The following GPR155 variants were observed in gnomAD, a reference collection of about 807,000 sequenced individuals.
The protein encoded by GPR155 is lysosomal cholesterol signaling protein.
A neutral mutation model predicts 93.1 loss-of-function variants in GPR155; 65 were observed. That is an observed-to-expected ratio of 0.70 (90% confidence interval 0.57 to 0.86). The LOEUF is 0.86. GPR155 is among the 40% of genes least tolerant of loss of function. The pLI is 0.00. For missense variants in GPR155, 838 were observed against 1,034.8 expected, an observed-to-expected ratio of 0.81 and a Z score of 2.61; for synonymous variants, 319 against 360.1, an observed-to-expected ratio of 0.89 and a Z score of 1.29.
At position 174,446,710 on chromosome 2, in the gene GPR155, G is replaced by T; in HGVS notation, c.1914C>A (p.Cys638Ter). The change falls in exon 12 of 16, where the codon TGC becomes TGA. Residue 638 changes from cysteine (C) to a stop codon, truncating the protein, a stop_gained. Transcript: ENST00000392552. LOFTEE classifies it high-confidence loss of function. ...HCVSRCNSQS[C>*]ILAQEEEQYL... is the part of the protein sequence containing the mutation. ...ACTGTTCTTCTTCCTGGGCTAATATGCAGCTCTGGGAGTTACAGCGACTCA... is the reference window on the plus strand; with the variant it reads ...ACTGTTCTTCTTCCTGGGCTAATATTCAGCTCTGGGAGTTACAGCGACTCA... 7 of 1,613,636 alleles carry T rather than the reference G, an allele frequency of 4.3e-6. No individual in the cohort carries two copies. Among genetic ancestry groups the T allele is most frequent in the Non-Finnish European group, 5.9e-6 (7 of 1,179,528 alleles).
intron 2 of GPR155, among the ~76,000 whole-genome samples, chr2:174,473,769 G>A (rs1688067214): frequency 6.6e-6 from 1 of 152,138 alleles, no homozygotes; most frequent in African/African-American, 2.4e-5. Flanking sequence ...TTACTGGAGT[G>A]GTAAGAGACA....
chr2:174,483,458 G>A (rs1477179420), intron 1 of GPR155, among the ~76,000 whole-genome samples: 3 of 152,154 alleles, frequency 2.0e-5, no homozygotes, highest in African/African-American at 4.8e-5. Flanking sequence ...TTCAAAACAC[G>A]AATAGTACAA....
chr2:174,475,137 T>C (rs1688120929), intron 2 of GPR155, among the ~76,000 whole-genome samples: 1 of 149,324 alleles, frequency 6.7e-6, no homozygotes, highest in African/African-American at 2.5e-5. Flanking sequence ...CTACTAAAAA[T>C]ACAAAAAATT....
chr2:174,469,990 T>C (rs1352915749), intron 4 of GPR155, among the ~76,000 whole-genome samples: 2 of 152,222 alleles, frequency 1.3e-5, no homozygotes, highest in Non-Finnish European at 2.9e-5. Flanking sequence ...GCCACCCAAG[T>C]AGCTGGGATT....
At chr2:174,442,291 T>C (rs1436313799) in intron 13 of GPR155, 108 bp from the exon 14 acceptor site, 3 of 651,486 alleles carry the variant, frequency 4.6e-6, no homozygotes, top group Admixed American at 2.5e-5. Context: ...AAACCTATAG[T>C]GACAAGAGCA....
intron 11 of GPR155, among the ~76,000 whole-genome samples, chr2:174,451,368 T>C (rs1354370047): frequency 2.6e-5 from 4 of 151,892 alleles, no homozygotes; most frequent in South Asian, 4.1e-4. Context: ...AAATAAATCT[T>C]CTTTCATTTG....
intron 2 of GPR155, among the ~76,000 whole-genome samples, chr2:174,478,252 G>C (rs62175270): frequency 7.2e-5 from 11 of 151,936 alleles, no homozygotes; most frequent in Admixed American, 2.0e-4. Context: ...TATTTTTTGA[G>C]AGACAGGGTC....
intron 12 of GPR155, 128 bp from the exon 13 acceptor site, chr2:174,445,304 A>C: frequency 5.0e-6 from 3 of 600,794 alleles, no homozygotes; most frequent in Non-Finnish European, 8.8e-6. Flanking sequence ...AAAAACACTG[A>C]GAGAATATAG....
chr2:174,467,354 G>A (rs1203918720), intron 5 of GPR155, among the ~76,000 whole-genome samples: 1 of 152,116 alleles, frequency 6.6e-6, no homozygotes, highest in Non-Finnish European at 1.5e-5. Flanking sequence ...GGTGGTGTAT[G>A]CCTGTAATCC....
At chr2:174,471,944 A>C (rs960916389) in intron 3 of GPR155, among the ~76,000 whole-genome samples, 1 of 152,208 alleles carries the variant, frequency 6.6e-6, no homozygotes, top group Non-Finnish European at 1.5e-5. Context: ...TGAAAACAGT[A>C]GATTATGTTG....
chr2:174,458,006 G>A (rs928560690), intron 10 of GPR155, among the ~76,000 whole-genome samples: 7 of 152,132 alleles, frequency 4.6e-5, no homozygotes, highest in Non-Finnish European at 7.4e-5. Context: ...CAAAGTGCTG[G>A]GGTTACAGGT....
intron 1 of GPR155, among the ~76,000 whole-genome samples, chr2:174,484,642 C>T (rs1688421408): frequency 6.6e-6 from 1 of 152,148 alleles, no homozygotes; most frequent in Non-Finnish European, 1.5e-5. Context: ...AAAAACCTCC[C>T]TATAGGGATC....
chr2:174,471,956 A>T (rs1314062658), intron 3 of GPR155, among the ~76,000 whole-genome samples: 2 of 152,190 alleles, frequency 1.3e-5, no homozygotes, highest in Non-Finnish European at 2.9e-5. Context: ...ATTATGTTGT[A>T]CTGGTCTCAT....
At chr2:174,474,393 T>C (rs1308048594) in intron 2 of GPR155, among the ~76,000 whole-genome samples, 1 of 151,514 alleles carries the variant, frequency 6.6e-6, no homozygotes, top group Non-Finnish European at 1.5e-5. Context: ...ACTTAAGGAG[T>C]AGAGATAGAA....
chr2:174,474,780 G>A (rs1422689603), intron 2 of GPR155, among the ~76,000 whole-genome samples: 1 of 152,030 alleles, frequency 6.6e-6, no homozygotes, highest in Non-Finnish European at 1.5e-5. Context: ...GCAGTTTCCT[G>A]GTAGACGTGA....
chr2:174,452,353 A>G (rs1687344897), intron 11 of GPR155, among the ~76,000 whole-genome samples: 1 of 152,214 alleles, frequency 6.6e-6, no homozygotes, highest in Non-Finnish European at 1.5e-5. Context: ...CTGCTACTAC[A>G]TATTTTAATG....
At position 174,434,127 on chromosome 2, in the gene GPR155, A is replaced by ATTT. The variant is rs1170093912; in HGVS notation, c.*1986_*1988dup. 4 of 122,538 alleles carry ATTT rather than the reference A, an allele frequency of 3.3e-5. No individual in the cohort carries two copies. The highest frequency in any genetic ancestry group is 2.6e-4 in the South Asian group (1 of 3,918). The allele number at this position is 122,538 out of a possible 1,614,324, so 7.6% of individuals were successfully genotyped here. A position where few individuals can be genotyped will look rare whatever the true frequency, so the allele number is the denominator to read the frequency against. The stretch of plus-strand genomic sequence containing the variant: ...AGGTGCACACCACCACACCTGGCTA[A>ATTT]TTTTTTTTTTTTTTTTTTTTTTTAG... On this transcript the variant is annotated 3_prime_UTR_variant, in exon 16 of 16. Transcript: ENST00000392552.
chr2:174,486,586 G>GA (rs1245329585), intron 1 of GPR155, among the ~76,000 whole-genome samples: 4 of 152,204 alleles, frequency 2.6e-5, no homozygotes, highest in Non-Finnish European at 5.9e-5. Flanking sequence ...AGACAGGGTG[G>GA]ACGCCCGTGC....
Position 174,436,347 on chromosome 2 carries a change from G to A in GPR155, c.2382C>T (p.Gly794=). Residue 794 remains glycine, a synonymous_variant, in exon 16 of 16, where the codon GGC becomes GGT. Coordinates refer to ENST00000392552, the MANE Select transcript of GPR155 (RefSeq NM_152529.7). ...CDLVSWLIEV[G]LASDRGEAVI... ...CAGCTTCACCACGGTCGGAGGCAAG[G>A]CCGACTTCAATTAGCCAGCTCACCA... 6.2e-7 allele frequency: 1 copy of A among 1,614,130 alleles called. No individual in the cohort carries two copies. The highest frequency in any genetic ancestry group is 1.1e-5 in the South Asian group (1 of 91,080).
Sources: gnomAD v4.1 joint callset for allele counts (sites outside exome capture counted in the v4.1 genomes callset) on GRCh38, gnomAD v4.1.1 for gene constraint, MANE v1.5 for transcripts, NCBI Gene and HGNC (gene_info 2026-07-23, HGNC 2026-07-21) for gene names.